SLC25A31: variants seen among roughly 807,000 people sequenced by gnomAD.
SLC25A31 encodes ADP/ATP translocase 4.
A neutral mutation model predicts 36.2 loss-of-function variants in SLC25A31; 40 were observed. The ratio of observed to expected loss-of-function variants is 1.10; its 90% confidence interval spans 0.86 to 1.44. SLC25A31 has a LOEUF of 1.44. Ranked by LOEUF, SLC25A31 falls within the 40% of genes most tolerant of loss-of-function variation. The probability of loss-of-function intolerance (pLI) is 0.00; values close to 1 mark genes in which losing one functional copy is unlikely to be tolerated. For synonymous variants in SLC25A31, 143 were observed against 149.7 expected, an observed-to-expected ratio of 0.96 and a Z score of 0.32; for missense variants, 350 against 397.1, an observed-to-expected ratio of 0.88 and a Z score of 1.01.
At chr4:127,762,714 G>T in intron 2 of SLC25A31, among the ~76,000 whole-genome samples, 1 of 151,738 alleles carries the variant, frequency 6.6e-6, no homozygotes, top group East Asian at 1.9e-4. Flanking sequence ...GTCAGGAGAT[G>T]GAAACCATCC....
At chr4:127,770,581 C>T (rs189802627) in intron 5 of SLC25A31, among the ~76,000 whole-genome samples, 7 of 151,648 alleles carry the variant, frequency 4.6e-5, no homozygotes, top group Admixed American at 6.6e-5. Context: ...ACCAAGATGG[C>T]GCCACTGCAC....
At position 127,773,475 on chromosome 4, in the gene SLC25A31, C is replaced by CGCCTTCTCCAA. The variant is rs773952497; in HGVS notation, c.850_860dup (p.Asn287LysfsTer45). On this transcript the variant is annotated frameshift_variant, in exon 6 of 6. Coordinates refer to ENST00000281154, the MANE Select transcript of SLC25A31 (RefSeq NM_031291.4). LOFTEE classifies it high-confidence loss of function. ...AAGGAATCAGTTCCTTTTTTCGTGG[C>CGCCTTCTCCAA]GCCTTCTCCAATGTTCTTCGCGGTA... is the stretch of plus-strand genomic sequence containing the variant. The CGCCTTCTCCAA allele has an allele frequency of 1.9e-6, 3 of 1,613,688 alleles. No individual in the cohort carries two copies. The highest frequency in any genetic ancestry group is 1.1e-5 in the South Asian group (1 of 91,040).
chr4:127,743,170 A>G lies in SLC25A31; in HGVS notation c.233-1502A>G, dbSNP rs78796333. Among the ~76,000 whole-genome samples, 1,148 of 142,690 alleles carry G rather than the reference A, an allele frequency of 8.0e-3. 7 individuals are homozygous for G. Among genetic ancestry groups the G allele is most frequent in the Non-Finnish European group, 0.012 (796 of 66,404 alleles). 93.6% of individuals were successfully genotyped at this position (142,690 alleles called of 152,430 possible). ...TTTGAAGACAGGTTCTTATTCTGTC[A>G]CGCATGCTGGAATGAGGTTGTGTGA... On this transcript the variant is annotated intron_variant, in intron 1 of 5. Transcript: ENST00000281154.
intron 1 of SLC25A31, 99 bp downstream of exon 1, chr4:127,730,876 A>G: frequency 9.0e-7 from 1 of 1,108,604 alleles, no homozygotes; most frequent in Non-Finnish European, 1.3e-6. Flanking sequence ...GGGCCCCACA[A>G]CCACAGCTAC....
chr4:127,752,988 G>A (rs1485648953), intron 2 of SLC25A31, among the ~76,000 whole-genome samples: 2 of 152,182 alleles, frequency 1.3e-5, no homozygotes, highest in Non-Finnish European at 2.9e-5. Context: ...TAAGGAGGTT[G>A]AAATCATGTC....
chr4:127,772,685 TA>T (rs558963150), intron 5 of SLC25A31, among the ~76,000 whole-genome samples: 141 of 152,282 alleles, frequency 9.3e-4, no homozygotes, highest in African/African-American at 3.2e-3. Context: ...AGCTGCATCT[TA>T]AAAATTTAGG....
At chr4:127,772,180 C>T (rs1464512039) in intron 5 of SLC25A31, among the ~76,000 whole-genome samples, 2 of 152,188 alleles carry the variant, frequency 1.3e-5, no homozygotes, top group Admixed American at 1.3e-4. Context: ...TTTAGCAGAA[C>T]TCACATGTAA....
chr4:127,765,563 G>A (rs1366274997), intron 3 of SLC25A31, among the ~76,000 whole-genome samples: 7 of 152,068 alleles, frequency 4.6e-5, no homozygotes, highest in Admixed American at 1.3e-4. Context: ...GATACAGGGC[G>A]TGTGTGAGTG....
rs769617359 is a variant in SLC25A31, at chr4:127,738,049, G to GT, written c.233-6617dup. Among the ~76,000 whole-genome samples, 26 of 152,058 alleles carry GT rather than the reference G, an allele frequency of 1.7e-4. 1 individual carries two copies. The highest frequency in any genetic ancestry group is 3.2e-4 in the Non-Finnish European group (22 of 68,012). ...ATAGCCTTCAAAAACCAGCTTATTA[G>GT]TTTTTTCCTTTAAACAGCTGATTTC... is the stretch of plus-strand genomic sequence containing the variant. On this transcript the variant is annotated intron_variant, in intron 1 of 5. Transcript: ENST00000281154.
chr4:127,764,743 T>A (rs2148763871), intron 3 of SLC25A31, among the ~76,000 whole-genome samples: 1 of 152,288 alleles, frequency 6.6e-6, no homozygotes, highest in Admixed American at 6.5e-5. Flanking sequence ...AAATATCACA[T>A]CTTCCCTTTT....
intron 1 of SLC25A31, among the ~76,000 whole-genome samples, chr4:127,731,384 A>AC (rs201847880): frequency 6.6e-6 from 1 of 151,678 alleles, no homozygotes; most frequent in African/African-American, 2.4e-5. Flanking sequence ...AAAAAAAAAA[A>AC]CCCAACCCTC....
Position 127,730,754 on chromosome 4 carries a change from T to G in SLC25A31, c.209T>G (p.Leu70Arg). The G allele has an allele frequency of 6.2e-7, 1 of 1,612,170 alleles. No individual in the cohort carries two copies. The highest frequency in any genetic ancestry group is 8.5e-7 in the Non-Finnish European group (1 of 1,178,772). Residue 70 changes from leucine to arginine, a missense_variant, in exon 1 of 6, where the codon CTG (leucine) becomes CGG (arginine). By Grantham distance (102) the Leu-to-Arg change is moderately radical. Coordinates refer to ENST00000281154, the MANE Select transcript of SLC25A31 (RefSeq NM_031291.4). ...CGGTACAAAGGCATGGTGGACTGCCTGGTGCGGATTCCTCGCGAGCAGGGT... is the reference window on the plus strand; with the variant it reads ...CGGTACAAAGGCATGGTGGACTGCCGGGTGCGGATTCCTCGCGAGCAGGGT... ...EARYKGMVDC[L>R]VRIPREQGFF...
intron 2 of SLC25A31, among the ~76,000 whole-genome samples, chr4:127,763,786 T>C (rs1732186734): frequency 6.6e-6 from 1 of 152,148 alleles, no homozygotes; most frequent in South Asian, 2.1e-4. Flanking sequence ...GTGCAAAAAG[T>C]AATTGCAGTT....
chr4:127,749,817 C>T (rs537703175), intron 2 of SLC25A31, among the ~76,000 whole-genome samples: 1 of 151,892 alleles, frequency 6.6e-6, no homozygotes, highest in African/African-American at 2.4e-5. Context: ...GGGATGATTG[C>T]TTGAAGCCAG....
intron 4 of SLC25A31, 147 bp from the exon 5 acceptor site, chr4:127,768,605 A>T: frequency 1.8e-6 from 1 of 561,814 alleles, no homozygotes; most frequent in Non-Finnish European, 2.9e-6. Context: ...CTTTTTATTG[A>T]TCTGCTACTA....
At chr4:127,750,284 G>T (rs937524731) in intron 2 of SLC25A31, among the ~76,000 whole-genome samples, 3 of 152,124 alleles carry the variant, frequency 2.0e-5, no homozygotes, top group African/African-American at 4.8e-5. Flanking sequence ...TTACAGTAGG[G>T]TTACATCATG....
At chr4:127,736,276 T>G (rs1731631905) in intron 1 of SLC25A31, among the ~76,000 whole-genome samples, 1 of 152,218 alleles carries the variant, frequency 6.6e-6, no homozygotes, top group Admixed American at 6.5e-5. Flanking sequence ...AAAATTAGGT[T>G]CAGAGCAGGT....
In SLC25A31 at chr4:127,730,674, G is replaced by A. The variant is rs757857938; in HGVS notation, c.129G>A (p.Arg43=). The change falls in exon 1 of 6, where the codon CGG becomes CGA. Residue 43 remains arginine, a synonymous_variant. Transcript: ENST00000281154. ...AGACAGCGGTGGCGCCCATCGAGCG[G>A]GTGAAGCTGCTGCTGCAGGTGCAGG... is the stretch of plus-strand genomic sequence containing the variant. ...VSKTAVAPIE[R]VKLLLQVQAS... The A allele has an allele frequency of 6.2e-7, 1 of 1,613,934 alleles. No individual in the cohort carries two copies. The highest frequency in any genetic ancestry group is 1.1e-5 in the South Asian group (1 of 91,086).
chr4:127,763,104 AAG>A (rs1732174055), intron 2 of SLC25A31, among the ~76,000 whole-genome samples: 1 of 152,104 alleles, frequency 6.6e-6, no homozygotes, highest in African/African-American at 2.4e-5. Flanking sequence ...CAGAAAAAAA[AAG>A]AGTCTATAAC....
Sources: allele counts gnomAD v4.1 joint callset (sites outside exome capture counted in the v4.1 genomes callset), GRCh38; gene constraint gnomAD v4.1.1; transcripts MANE v1.5; gene names NCBI Gene and HGNC (gene_info 2026-07-23, HGNC 2026-07-21).